The following MAGI1 variants were observed in gnomAD, a reference collection of about 807,000 sequenced individuals.
MAGI1 encodes the protein membrane associated guanylate kinase, WW and PDZ domain containing 1.
In MAGI1, 58 loss-of-function variants were observed where a neutral mutation model predicts 139.9. The observed-to-expected ratio is 0.41, with a 90% CI of 0.34 to 0.52. The LOEUF (loss-of-function observed/expected upper bound fraction) is 0.52, where lower values mean the gene tolerates loss of function less well. Among genes scored for constraint, MAGI1 ranks in the 20% least tolerant of loss-of-function variants. The pLI, the probability that MAGI1 is intolerant of heterozygous loss-of-function variation, is 0.12. For synonymous variants in MAGI1, 812 were observed against 737.9 expected (o/e 1.10, Z -1.63); for missense variants, 1,874 against 1,901.6 (o/e 0.99, Z 0.27).
At chr3:65,947,640 G>A (rs895164264) in intron 1 of MAGI1, among the ~76,000 whole-genome samples, 3 of 152,014 alleles carry the variant, frequency 2.0e-5, no homozygotes, top group Non-Finnish European at 4.4e-5. Context: ...TTTCTGAGAC[G>A]GGGTCTCGGT....
At chr3:65,621,218 G>A (rs986449332) in intron 2 of MAGI1, among the ~76,000 whole-genome samples, 1 of 152,136 alleles carries the variant, frequency 6.6e-6, no homozygotes, top group African/African-American at 2.4e-5. Flanking sequence ...TTCTTCCCTT[G>A]TATTTTAAAA....
intron 1 of MAGI1, among the ~76,000 whole-genome samples, chr3:65,930,315 C>CAAAAAAAAAAAAAAAAA (rs58258730): frequency 1.5e-4 from 13 of 87,628 alleles, no homozygotes; most frequent in Non-Finnish European, 2.9e-4. Context: ...GACTCCGTCT[C>CAAAAAAAAAAAAAAAAA]AAAAAAAAAA....
intron 1 of MAGI1, chr3:65,925,258 T>C (rs2062437662): frequency 6.6e-6 from 1 of 152,264 alleles, no homozygotes; most frequent in Non-Finnish European, 1.5e-5. Flanking sequence ...TGAAATTTCC[T>C]TTGGAAATAA....
chr3:65,649,177 C>G (rs2085440453), intron 1 of MAGI1, among the ~76,000 whole-genome samples: 1 of 152,004 alleles, frequency 6.6e-6, no homozygotes, highest in South Asian at 2.1e-4. Context: ...AGTACAAGAC[C>G]AGCCTGGGCA....
intron 1 of MAGI1, among the ~76,000 whole-genome samples, chr3:65,630,944 C>T (rs1380644207): frequency 6.6e-6 from 1 of 152,208 alleles, no homozygotes; most frequent in Non-Finnish European, 1.5e-5. Context: ...TTTTATTCTA[C>T]GTGTGTAACA....
intron 18 of MAGI1, among the ~76,000 whole-genome samples, chr3:65,371,178 T>G (rs1362143607): frequency 1.3e-5 from 2 of 152,210 alleles, no homozygotes; most frequent in Non-Finnish European, 2.9e-5. Flanking sequence ...TTAGTCTGTT[T>G]GATATCTTTC....
chr3:65,828,447 A>G (rs923787696), intron 1 of MAGI1, among the ~76,000 whole-genome samples: 5 of 152,122 alleles, frequency 3.3e-5, no homozygotes, highest in Admixed American at 3.3e-4. Context: ...TCTCACATCT[A>G]TGTATTCTTT....
chr3:65,776,247 C>T (rs115884094), intron 1 of MAGI1, among the ~76,000 whole-genome samples: 89 of 141,494 alleles, frequency 6.3e-4, no homozygotes, highest in East Asian at 2.3e-3. Flanking sequence ...AGTTGGGTTT[C>T]TTTTTTTTTT....
chr3:65,987,328 T>A (rs2065932650), intron 1 of MAGI1, among the ~76,000 whole-genome samples: 1 of 152,082 alleles, frequency 6.6e-6, no homozygotes, highest in Non-Finnish European at 1.5e-5. Context: ...CTAGATGAAA[T>A]GGAGATGGCA....
At chr3:65,619,996 G>A (rs1004631652) in intron 2 of MAGI1, 11 of 985,158 alleles carry the variant, frequency 1.1e-5, no homozygotes, top group African/African-American at 3.5e-5. Context: ...GACAGAGTTC[G>A]TTTTTGCCCC....
chr3:65,950,099 A>AC (rs1422188184), intron 1 of MAGI1, among the ~76,000 whole-genome samples: 1 of 90,120 alleles, frequency 1.1e-5, no homozygotes, highest in Non-Finnish European at 2.3e-5. Flanking sequence ...ACAAACAAAA[A>AC]AAAAAAACAG....
chr3:65,608,345 G>T (rs1336418377), intron 2 of MAGI1, among the ~76,000 whole-genome samples: 1 of 152,114 alleles, frequency 6.6e-6, no homozygotes, highest in Non-Finnish European at 1.5e-5. Context: ...GGAGGCTAAG[G>T]CAGGAGAATC....
At chr3:65,440,060 CA>C (rs1320146935) in intron 8 of MAGI1, 48 bp from the exon 9 acceptor site, 1 of 1,603,896 alleles carries the variant, frequency 6.2e-7, no homozygotes, top group East Asian at 2.2e-5. Flanking sequence ...TTCATCCCAC[CA>C]GCAAAATGCC....
At chr3:66,008,016 C>T (rs1008053546) in intron 1 of MAGI1, among the ~76,000 whole-genome samples, 15 of 151,850 alleles carry the variant, frequency 9.9e-5, no homozygotes, top group Admixed American at 9.8e-4. Flanking sequence ...CTTGCTTCAG[C>T]CTCCCAAGTA....
chr3:65,836,547 G>A (rs553293433), intron 1 of MAGI1, among the ~76,000 whole-genome samples: 6 of 152,162 alleles, frequency 3.9e-5, no homozygotes, highest in African/African-American at 4.8e-5. Context: ...GAGGCCGGGC[G>A]CGGTGGCTCA....
rs114618277 is a variant in MAGI1 at position 65,711,534 on chromosome 3, C to T, written c.314-89446G>A. On this transcript the variant is annotated intron_variant, in intron 1 of 22. Coordinates refer to ENST00000402939, the MANE Select transcript of MAGI1 (RefSeq NM_001033057.2). ...TGCTATGAGCTTAGTTTTGTCCCCCCAAAATTCATCTGCTAAAATCCTAAT... is the reference window on the plus strand; with the variant it reads ...TGCTATGAGCTTAGTTTTGTCCCCCTAAAATTCATCTGCTAAAATCCTAAT... Among the ~76,000 whole-genome samples, 270 of 152,218 alleles carry T rather than the reference C, an allele frequency of 1.8e-3. 1 individual carries two copies. The highest frequency in any genetic ancestry group is 5.9e-3 in the African/African-American group (246 of 41,528).
chr3:65,984,227 G>A (rs768340084), intron 1 of MAGI1, among the ~76,000 whole-genome samples: 4 of 152,196 alleles, frequency 2.6e-5, no homozygotes, highest in Non-Finnish European at 5.9e-5. Context: ...CCAGGAGGCA[G>A]AGGTTGCAGT....
chr3:65,418,999 A>G (rs1946436566), intron 12 of MAGI1, among the ~76,000 whole-genome samples: 1 of 152,150 alleles, frequency 6.6e-6, no homozygotes, highest in Non-Finnish European at 1.5e-5. Flanking sequence ...TCTTTCTTCT[A>G]TCTGCGCTGG....
chr3:65,769,991 A>T (rs2037818681), intron 1 of MAGI1, among the ~76,000 whole-genome samples: 1 of 152,088 alleles, frequency 6.6e-6, no homozygotes, highest in Admixed American at 6.6e-5. Context: ...TTCAAAATTC[A>T]CCATGAGGAG....
Sources: gnomAD v4.1 joint callset for allele counts (sites outside exome capture counted in the v4.1 genomes callset) on GRCh38, gnomAD v4.1.1 for gene constraint, MANE v1.5 for transcripts, NCBI Gene and HGNC (gene_info 2026-07-23, HGNC 2026-07-21) for gene names.